Variants in MXD1 observed in about 807,000 individuals in gnomAD.
MXD1 encodes MAX-binding protein.
In MXD1, 9 loss-of-function variants were observed where a neutral mutation model predicts 25.7. The ratio of observed to expected loss-of-function variants is 0.35; its 90% CI spans 0.21 to 0.61. MXD1 has a LOEUF of 0.61. MXD1 is among the 20% of genes least tolerant of loss of function. The pLI is 0.75. For missense variants in MXD1, 227 were observed against 292.4 expected (o/e 0.78, Z 1.63); for synonymous variants, 99 against 113.9 (o/e 0.87, Z 0.83).
At chr2:69,933,359 G>A (rs926894899) in intron 3 of MXD1, among the ~76,000 whole-genome samples, 1 of 151,808 alleles carries the variant, frequency 6.6e-6, no homozygotes, top group Non-Finnish European at 1.5e-5. Flanking sequence ...TATTATCCAA[G>A]ATGAACAAGT....
At position 69,942,158 on chromosome 2, in the gene MXD1, TTGACTC is replaced by T. The variant is rs573297302; in HGVS notation, c.*3878_*3883del. 6.9e-4 allele frequency: 105 copies of T among 152,358 alleles called. No individual in the cohort carries two copies. Among genetic ancestry groups the T allele is most frequent in the African/African-American group, 2.4e-3 (98 of 41,576 alleles). The allele number at this position is 152,358 out of a possible 1,614,324, so 9.4% of individuals were successfully genotyped here. The stretch of plus-strand genomic sequence containing the variant: ...ATGTCAATCTATTCTTTTTCTATGT[TTGACTC>T]TGATGCAGTGTGTTTAGCGTGTCTA... On this transcript the variant is annotated 3_prime_UTR_variant, in exon 6 of 6. Coordinates refer to ENST00000264444, the MANE Select transcript of MXD1 (RefSeq NM_002357.4).
intron 5 of MXD1, among the ~76,000 whole-genome samples, chr2:69,937,749 G>A (rs1677489288): frequency 1.3e-5 from 2 of 152,162 alleles, no homozygotes; most frequent in Non-Finnish European, 2.9e-5. Flanking sequence ...CAAGCAGCTG[G>A]GATTACAGGC....
chr2:69,923,493 G>A (rs1281411442), intron 3 of MXD1, among the ~76,000 whole-genome samples: 1 of 152,194 alleles, frequency 6.6e-6, no homozygotes, highest in Non-Finnish European at 1.5e-5. Flanking sequence ...TGATATTTAT[G>A]TTTAATCAGT....
At chr2:69,938,068 A>G (rs774701412) in intron 5 of MXD1, 29 bp from the exon 6 acceptor site, 1 of 1,606,458 alleles carries the variant, frequency 6.2e-7, no homozygotes, top group Admixed American at 1.7e-5. Context: ...CGCTTTCATC[A>G]ATGTCCTTCT....
At chr2:69,917,444 T>A (rs1676982567) in intron 2 of MXD1, among the ~76,000 whole-genome samples, 1 of 152,240 alleles carries the variant, frequency 6.6e-6, no homozygotes, top group Admixed American at 6.5e-5. Flanking sequence ...TACTGACTTG[T>A]AATATGCAAT....
At chr2:69,932,964 T>C (rs987066568) in intron 3 of MXD1, among the ~76,000 whole-genome samples, 7 of 152,162 alleles carry the variant, frequency 4.6e-5, no homozygotes, top group Non-Finnish European at 8.8e-5. Context: ...TTTGGGAGGC[T>C]GAGGCAGGCA....
At position 69,915,484 on chromosome 2, in the gene MXD1, G is replaced by C. The variant is rs1573397316; in HGVS notation, c.73+81G>C. The stretch of plus-strand genomic sequence containing the variant: ...CGGCCTCAGGTCCGGGCGCCCAGCC[G>C]CTCCGGGGGTGGTTGGAGGCGGGGA... On this transcript the variant is annotated intron_variant, in intron 1 of 5. Transcript: ENST00000264444. This position sits in a 1 kb window ranked among gnomAD's most constrained non-coding sequence, Gnocchi z 5.8. 8.7e-7 allele frequency: 1 copy of C among 1,146,954 alleles called. No individual in the cohort carries two copies. The highest frequency in any genetic ancestry group is 4.2e-5 in the Admixed American group (1 of 23,628). The allele number at this position is 1,146,954 out of a possible 1,614,324, so 71.0% of individuals were successfully genotyped here.
chr2:69,930,702 A>G (rs1677262250), intron 3 of MXD1, among the ~76,000 whole-genome samples: 1 of 152,218 alleles, frequency 6.6e-6, no homozygotes, highest in East Asian at 1.9e-4. Context: ...CTAGTGAGAC[A>G]TTTTTGAGTT....
intron 3 of MXD1, among the ~76,000 whole-genome samples, chr2:69,932,734 A>T (rs1222018390): frequency 6.6e-6 from 1 of 152,314 alleles, no homozygotes; most frequent in East Asian, 1.9e-4. Flanking sequence ...GCATCAAAAG[A>T]TGACTTTATT....
At position 69,915,418 on chromosome 2, in the gene MXD1, G is replaced by A. The variant is rs750350464; in HGVS notation, c.73+15G>A. On this transcript the variant is annotated intron_variant, in intron 1 of 5. Transcript: ENST00000264444. The surrounding 1 kb of genome is among the most constrained non-coding windows in gnomAD (Gnocchi z 5.8). ...GCGGGAGAGAGGTGCACGGGGACGG[G>A]GAGGGGTCCACTCGAAACGAGGCCG... is the stretch of plus-strand genomic sequence containing the variant. 7.9e-7 allele frequency: 1 copy of A among 1,272,074 alleles called. No individual in the cohort carries two copies. Among genetic ancestry groups the A allele is most frequent in the East Asian group, 3.1e-5 (1 of 31,806 alleles). 78.8% of individuals were successfully genotyped at this position (1,272,074 alleles called of 1,614,324 possible).
At chr2:69,916,804 T>A (rs1676970695) in intron 2 of MXD1, among the ~76,000 whole-genome samples, 1 of 152,228 alleles carries the variant, frequency 6.6e-6, no homozygotes, top group African/African-American at 2.4e-5. Context: ...AATACCAAAA[T>A]ATTAATATGC....
rs942596014 is a variant in MXD1 at position 69,941,253 on chromosome 2, A to G, written c.*2969A>G. 2.0e-5 allele frequency: 3 copies of G among 152,206 alleles called. No individual in the cohort carries two copies. Among genetic ancestry groups the G allele is most frequent in the Non-Finnish European group, 4.4e-5 (3 of 68,044 alleles). The allele number at this position is 152,206 out of a possible 1,614,324, so 9.4% of individuals were successfully genotyped here. A position where few individuals can be genotyped will look rare whatever the true frequency, so the allele number is the denominator to read the frequency against. On this transcript the variant is annotated 3_prime_UTR_variant, in exon 6 of 6. Transcript: ENST00000264444. ...AATTTCATGCAGTGGGAAAATATAT[A>G]TGTGTGCTTCTGTAACATCCTGAAA...
intron 3 of MXD1, among the ~76,000 whole-genome samples, chr2:69,927,675 A>G (rs932663767): frequency 2.0e-5 from 3 of 152,214 alleles, no homozygotes; most frequent in Non-Finnish European, 4.4e-5. Context: ...TGTATTTGAA[A>G]ATTAGGCTCT....
chr2:69,931,230 C>T (rs748252396), intron 3 of MXD1, among the ~76,000 whole-genome samples: 2 of 152,102 alleles, frequency 1.3e-5, no homozygotes, highest in African/African-American at 4.8e-5. Flanking sequence ...ATTATTTTGA[C>T]TATAGTTACC....
At chr2:69,933,269 C>G (rs184006784) in intron 3 of MXD1, among the ~76,000 whole-genome samples, 1 of 139,092 alleles carries the variant, frequency 7.2e-6, no homozygotes, top group East Asian at 2.1e-4. Flanking sequence ...AAGAAATAGA[C>G]AAATTTATAA....
At position 69,938,966 on chromosome 2, in the gene MXD1, A is replaced by G. The variant is rs1225834792; in HGVS notation, c.*682A>G. 1 of 152,664 alleles carries G rather than the reference A, an allele frequency of 6.6e-6. No individual in the cohort carries two copies. The highest frequency in any genetic ancestry group is 1.5e-5 in the Non-Finnish European group (1 of 68,038). The allele number at this position is 152,664 out of a possible 1,614,324, so 9.5% of individuals were successfully genotyped here. On this transcript the variant is annotated 3_prime_UTR_variant, in exon 6 of 6. Coordinates refer to ENST00000264444, the MANE Select transcript of MXD1 (RefSeq NM_002357.4). ...TTCCAAATTGTTTGTTCTCACAAAC[A>G]AAACGGTACAATCTATTTTTGTGCG...
chr2:69,923,581 CGTGTGTGTGT>C (rs10652254), intron 3 of MXD1, among the ~76,000 whole-genome samples: 1 of 150,304 alleles, frequency 6.7e-6, no homozygotes, highest in Non-Finnish European at 1.5e-5. Context: ...TATGGAATTT[CGTGTGTGTGT>C]GTGTGTGTGT....
Position 69,940,100 on chromosome 2 carries a change from T to G in MXD1, c.*1816T>G, listed in dbSNP as rs960907594. ...TTCTGTTTTTGTTTTGTTCTGTCTT[T>G]TCTTCATTTTGGCTTTGGGTGGGGG... On this transcript the variant is annotated 3_prime_UTR_variant, in exon 6 of 6. Transcript: ENST00000264444. 2 of 141,512 alleles carry G rather than the reference T, an allele frequency of 1.4e-5. No individual in the cohort carries two copies. Among genetic ancestry groups the G allele is most frequent in the Non-Finnish European group, 3.1e-5 (2 of 64,412 alleles). 8.8% of individuals were successfully genotyped at this position (141,512 alleles called of 1,614,324 possible). A position where few individuals can be genotyped will look rare whatever the true frequency, so the allele number is the denominator to read the frequency against.
In MXD1 at chr2:69,937,387, C is replaced by T. The variant is rs142201485; in HGVS notation, c.471C>T (p.Ser157=). 5.5e-4 allele frequency: 888 copies of T among 1,605,642 alleles called. 15 individuals are homozygous for T. The East Asian group carries it at 0.014, about 25-fold the overall frequency. The change falls in exon 5 of 6, where the codon TCC becomes TCT. Residue 157 remains serine (S), a synonymous_variant. Coordinates refer to ENST00000264444, the MANE Select transcript of MXD1 (RefSeq NM_002357.4). ...CCGTCTCCTCGGAGCGCTCCGACTC[C>T]GACAGGGGTGAGCCTCTCTCACTCT... ...GSTVSSERSD[S]DREEIDVDVE... is the part of the protein sequence containing the mutation.
Sources: allele counts gnomAD v4.1 joint callset (sites outside exome capture counted in the v4.1 genomes callset), GRCh38; gene constraint gnomAD v4.1.1; non-coding constraint Gnocchi (gnomAD v3.1); transcripts MANE v1.5; gene names NCBI Gene and HGNC (gene_info 2026-07-23, HGNC 2026-07-21).